Variants in TCF12 observed in about 807,000 individuals in gnomAD.
TCF12 encodes transcription factor 12.
Under a neutral mutation model 86.0 loss-of-function variants are expected in TCF12, and 45 were observed. The observed-to-expected ratio is 0.52, with a 90% CI of 0.41 to 0.67. The LOEUF (loss-of-function observed/expected upper bound fraction) is 0.67, where lower values mean the gene tolerates loss of function less well. Ranked by LOEUF, TCF12 falls within the 30% of genes least tolerant of loss-of-function variation. The pLI, the probability that TCF12 is intolerant of heterozygous loss-of-function variation, is 0.00. For synonymous variants in TCF12, 330 were observed against 299.6 expected, an observed-to-expected ratio of 1.10 and a Z score of -1.05; for missense variants, 881 against 859.9, an observed-to-expected ratio of 1.02 and a Z score of -0.31.
At chr15:56,941,683 TTC>T (rs1419089577) in intron 3 of TCF12, among the ~76,000 whole-genome samples, 1 of 138,142 alleles carries the variant, frequency 7.2e-6, no homozygotes, top group African/African-American at 2.7e-5. Context: ...CTTCTTCTTC[TTC>T]TTTTTTTTTT....
intron 5 of TCF12, among the ~76,000 whole-genome samples, chr15:57,125,421 A>C (rs1259814825): frequency 3.9e-5 from 6 of 152,248 alleles, no homozygotes; most frequent in Non-Finnish European, 8.8e-5. Flanking sequence ...CTTAAGGCCA[A>C]CAACAAATGA....
At chr15:57,177,608 C>CAGAGAGAGAGAGAGAGAGAGAGAGGG (rs2056025177) in intron 6 of TCF12, among the ~76,000 whole-genome samples, 1 of 122,962 alleles carries the variant, frequency 8.1e-6, no homozygotes, top group Non-Finnish European at 1.7e-5. Flanking sequence ...GTTAAAAGGC[C>CAGAGAGAGAGAGAGAGAGAGAGAGGG]AGAGAGAGAG....
intron 17 of TCF12, 56 bp from the exon 18 acceptor site, chr15:57,263,056 G>A (rs2060661596): frequency 6.5e-7 from 1 of 1,546,680 alleles, no homozygotes; most frequent in Non-Finnish European, 8.7e-7. Context: ...TGTCTTAGCT[G>A]TAATTCATAT....
chr15:57,136,958 G>GT (rs869113042), intron 5 of TCF12, among the ~76,000 whole-genome samples: 1,145 of 83,032 alleles, frequency 0.014, 399 homozygotes, highest in East Asian at 0.017. Context: ...GCTTCTGGCA[G>GT]TTTTTTTTTT....
At chr15:57,065,716 G>A (rs1486021971) in intron 4 of TCF12, among the ~76,000 whole-genome samples, 1 of 134,552 alleles carries the variant, frequency 7.4e-6, no homozygotes, top group Non-Finnish European at 1.5e-5. Flanking sequence ...TTATGATCTT[G>A]AAATTAAGTT....
intron 5 of TCF12, among the ~76,000 whole-genome samples, chr15:57,141,430 A>G (rs1287892879): frequency 1.3e-5 from 2 of 152,126 alleles, no homozygotes; most frequent in Non-Finnish European, 2.9e-5. Context: ...GCTCACTGCA[A>G]CCTCTGCCTC....
At chr15:57,168,146 T>TA (rs199522052) in intron 6 of TCF12, among the ~76,000 whole-genome samples, 33 of 151,232 alleles carry the variant, frequency 2.2e-4, no homozygotes, top group East Asian at 9.7e-4. Context: ...ATTGCATCTC[T>TA]AAAAAAAAAT....
At chr15:57,050,515 G>A (rs1381010958) in intron 3 of TCF12, among the ~76,000 whole-genome samples, 1 of 151,902 alleles carries the variant, frequency 6.6e-6, no homozygotes, top group African/African-American at 2.4e-5. Flanking sequence ...TTTTACTATT[G>A]GTGCATTGAT....
chr15:57,287,517 C>T lies in TCF12; in HGVS notation c.*1372C>T, dbSNP rs1363844027. On this transcript the variant is annotated 3_prime_UTR_variant, in exon 21 of 21. Transcript: ENST00000333725. ...CATTAAGGCACTCTCTGTCTCTAAT[C>T]CTTAGGAGTTGTTTTAAAAGACATA... is the stretch of plus-strand genomic sequence containing the variant. 2.0e-5 allele frequency: 3 copies of T among 152,604 alleles called. No individual in the cohort carries two copies. Among genetic ancestry groups the T allele is most frequent in the Non-Finnish European group, 4.4e-5 (3 of 68,042 alleles). The allele number at this position is 152,604 out of a possible 1,614,324, so 9.5% of individuals were successfully genotyped here. A position where few individuals can be genotyped will look rare whatever the true frequency, so the allele number is the denominator to read the frequency against.
Position 56,969,664 on chromosome 15 carries a change from A to G in TCF12, c.148+48566A>G, listed in dbSNP as rs150269213. On this transcript the variant is annotated intron_variant, in intron 3 of 20. Coordinates refer to ENST00000333725, the MANE Select transcript of TCF12 (RefSeq NM_207037.2). ...GCAATCCTCCCACCTCGGCCTCTAG[A>G]AGTGTTGAGATTACAGATGTGAACC... Among the ~76,000 whole-genome samples, 279 of 151,740 alleles carry G rather than the reference A, an allele frequency of 1.8e-3. 3 individuals are homozygous for G. Among genetic ancestry groups the G allele is most frequent in the African/African-American group, 2.2e-3 (89 of 41,322 alleles).
intron 3 of TCF12, among the ~76,000 whole-genome samples, chr15:57,058,961 C>G (rs1195112674): frequency 6.6e-6 from 1 of 152,116 alleles, no homozygotes; most frequent in Non-Finnish European, 1.5e-5. Context: ...TATCCTTACT[C>G]TACAAATAGA....
downstream of TCF12, chr15:57,291,088 T>C (rs2152182176): frequency 6.6e-6 from 1 of 152,304 alleles, no homozygotes; most frequent in Admixed American, 6.5e-5. Context: ...GCTTATGTAA[T>C]CTGGATACAA....
In TCF12 at chr15:56,919,682, C is replaced by T. The variant is rs1179890473; in HGVS notation, c.-22-210C>T. ...GGGAGCCGCCGCGTCGATCTCGGGC[C>T]GCGGCGAGGAACGCGTGGATTCCGG... On this transcript the variant is annotated intron_variant, in intron 1 of 20. Transcript: ENST00000333725. The T allele has an allele frequency of 2.8e-5, 11 of 392,782 alleles. No individual in the cohort carries two copies. The East Asian group carries it at 3.9e-4, about 14-fold the overall frequency. 24.3% of individuals were successfully genotyped at this position (392,782 alleles called of 1,614,324 possible).
intron 5 of TCF12, among the ~76,000 whole-genome samples, chr15:57,107,614 G>C (rs2050221561): frequency 6.6e-6 from 1 of 152,072 alleles, no homozygotes; most frequent in Admixed American, 6.6e-5. Context: ...GGCCAGGCAT[G>C]GTGGCTCACA....
At chr15:57,238,903 G>A (rs529889486) in intron 12 of TCF12, among the ~76,000 whole-genome samples, 154 of 152,340 alleles carry the variant, frequency 1.0e-3, no homozygotes, top group African/African-American at 3.6e-3. Flanking sequence ...TATAAGGAAG[G>A]TGAAAATGTA....
At chr15:57,180,689 A>G (rs1264577101) in intron 6 of TCF12, among the ~76,000 whole-genome samples, 1 of 152,036 alleles carries the variant, frequency 6.6e-6, no homozygotes, top group African/African-American at 2.4e-5. Context: ...AATTCATATC[A>G]GTATTTTAAA....
rs980158327 is a variant in TCF12 at position 56,918,692 on chromosome 15, G to A, written c.-237G>A. The A allele has an allele frequency of 7.3e-5, 14 of 191,464 alleles. No individual in the cohort carries two copies. In the South Asian group the frequency reaches 1.1e-3, roughly 15 times the overall value. 11.9% of individuals were successfully genotyped at this position (191,464 alleles called of 1,614,324 possible). On this transcript the variant is annotated 5_prime_UTR_variant, in exon 1 of 21. An upstream open reading frame in the 5' UTR loses its in-frame stop. Coordinates refer to ENST00000333725, the MANE Select transcript of TCF12 (RefSeq NM_207037.2). ...GCCTCAGCGAAAAAAATGTCCGCCT[G>A]AAGAGACCCACAAGTTCTATTCGGG... is the stretch of plus-strand genomic sequence containing the variant.
chr15:56,981,556 G>T (rs760495567), intron 3 of TCF12, among the ~76,000 whole-genome samples: 1 of 152,086 alleles, frequency 6.6e-6, no homozygotes, highest in Non-Finnish European at 1.5e-5. Flanking sequence ...ATGAGTTTTG[G>T]AGGGGCCAAA....
At chr15:57,016,253 G>A (rs1038073094) in intron 3 of TCF12, among the ~76,000 whole-genome samples, 1 of 152,208 alleles carries the variant, frequency 6.6e-6, no homozygotes, top group Admixed American at 6.5e-5. Context: ...ATGTATGATA[G>A]AATTGCCTGG....
Sources: gnomAD v4.1 joint callset for allele counts (sites outside exome capture counted in the v4.1 genomes callset) on GRCh38, gnomAD v4.1.1 for gene constraint, MANE v1.5 for transcripts, NCBI Gene and HGNC (gene_info 2026-07-23, HGNC 2026-07-21) for gene names.